The following DENND5A variants were observed in gnomAD, a reference collection of about 807,000 sequenced individuals.
DENND5A encodes DENN domain-containing protein 5A.
DENND5A carries 64 observed loss-of-function variants against 140.3 expected under a neutral mutation model. The observed-to-expected ratio is 0.46, with a 90% CI of 0.37 to 0.56. DENND5A has a LOEUF of 0.56. Ranked by LOEUF, DENND5A falls within the 20% of genes least tolerant of loss-of-function variation. The probability of loss-of-function intolerance (pLI) is 0.00; values close to 1 mark genes in which losing one functional copy is unlikely to be tolerated. For synonymous variants in DENND5A, 605 were observed against 607.7 expected (o/e 1.00, Z 0.07); for missense variants, 1,292 against 1,593.8 (o/e 0.81, Z 3.22).
At chr11:9,259,433 G>T (rs1034238593) in intron 1 of DENND5A, among the ~76,000 whole-genome samples, 56 of 151,974 alleles carry the variant, frequency 3.7e-4, no homozygotes, top group African/African-American at 1.3e-3. Context: ...GGGCGTGGTG[G>T]TGGGCGCCTG....
chr11:9,176,141 A>G (rs1848539071), intron 8 of DENND5A, among the ~76,000 whole-genome samples: 1 of 152,236 alleles, frequency 6.6e-6, no homozygotes, highest in Non-Finnish European at 1.5e-5. Flanking sequence ...TGTCCATGCA[A>G]TTAGACTACT....
chr11:9,146,328 T>C (rs1294425030), intron 16 of DENND5A, among the ~76,000 whole-genome samples: 4 of 152,158 alleles, frequency 2.6e-5, no homozygotes, highest in Non-Finnish European at 4.4e-5. Flanking sequence ...AGATGCAGCA[T>C]CAGACAGAAA....
At chr11:9,141,908 G>T in intron 22 of DENND5A, 32 bp downstream of exon 22, 1 of 1,544,072 alleles carries the variant, frequency 6.5e-7, no homozygotes, top group Non-Finnish European at 8.7e-7. Context: ...AAGGCTAACC[G>T]CTGTGCACTC....
intron 1 of DENND5A, among the ~76,000 whole-genome samples, chr11:9,246,814 C>T (rs1470060482): frequency 1.3e-5 from 2 of 152,152 alleles, no homozygotes; most frequent in Non-Finnish European, 2.9e-5. Flanking sequence ...CTACCTACAA[C>T]CCATAAACCC....
chr11:9,193,982 T>C (rs921644133), intron 4 of DENND5A, among the ~76,000 whole-genome samples: 11 of 152,156 alleles, frequency 7.2e-5, no homozygotes, highest in Non-Finnish European at 2.9e-5. Flanking sequence ...TACCACAGAA[T>C]GTTAAGTAGA....
chr11:9,181,645 G>T (rs1439080564), intron 5 of DENND5A, among the ~76,000 whole-genome samples: 6 of 152,136 alleles, frequency 3.9e-5, no homozygotes, highest in African/African-American at 1.4e-4. Flanking sequence ...GGCTGAGGTA[G>T]GAGGGATCAC....
rs148317700 is a variant in DENND5A at position 9,150,744 on chromosome 11, G to A, written c.2542C>T (p.Arg848Cys). 122 of 1,612,830 alleles carry A rather than the reference G, an allele frequency of 7.6e-5. 1 individual carries two copies. In the Admixed American group the frequency reaches 1.1e-3, roughly 15 times the overall value. Reference protein sequence around the residue: ...STSGILLDSERRKSDASSLMP... With the variant: ...STSGILLDSECRKSDASSLMP... ...AGTGAGCTGGCATCAGACTTCCTAC[G>A]TTCTGAATCAAGAAGTATTCCTAGA... Residue 848 changes from arginine to cysteine, a missense_variant, in exon 14 of 23, where the codon CGT becomes TGT. Transcript: ENST00000328194.
chr11:9,238,088 T>C (rs983641735), intron 1 of DENND5A, among the ~76,000 whole-genome samples: 10 of 152,358 alleles, frequency 6.6e-5, no homozygotes, highest in South Asian at 4.1e-4. Context: ...ATATACAACA[T>C]GTTAATTTGA....
chr11:9,145,108 C>T lies in DENND5A; in HGVS notation c.3009G>A (p.Gln1003=), dbSNP rs1174123638. 6.2e-7 allele frequency: 1 copy of T among 1,609,596 alleles called. No homozygotes were observed. Among genetic ancestry groups the T allele is most frequent in the Non-Finnish European group, 8.5e-7 (1 of 1,175,904 alleles). Residue 1003 remains glutamine (Q), a synonymous_variant, in exon 18 of 23, where the codon CAG becomes CAA. Transcript: ENST00000328194. The part of the protein sequence containing the change: ...RNVLEMTFEC[Q]NLGKLTTVQI... ...GGACAGTAGTAAGCTTCCCCAAGTT[C>T]TGGCACTATTAGAGAATAGAGAAGA... is the stretch of plus-strand genomic sequence containing the variant.
chr11:9,208,903 G>C (rs1427859605), intron 1 of DENND5A, among the ~76,000 whole-genome samples: 1 of 152,222 alleles, frequency 6.6e-6, no homozygotes, highest in Non-Finnish European at 1.5e-5. Context: ...GCTAGGCTCA[G>C]AGCTTTCTGT....
intron 1 of DENND5A, among the ~76,000 whole-genome samples, chr11:9,230,527 C>G (rs2136250151): frequency 6.6e-6 from 1 of 152,196 alleles, no homozygotes; most frequent in South Asian, 2.1e-4. Flanking sequence ...AAGTGTGAGC[C>G]ACACCCAGCC....
chr11:9,264,679 A>G lies in DENND5A; in HGVS notation c.109+282T>C, dbSNP rs547509967. Among the ~76,000 whole-genome samples the G allele has an allele frequency of 3.3e-5, 5 of 152,030 alleles. No homozygotes were observed. In the South Asian group the frequency reaches 1.0e-3, roughly 32 times the overall value. ...GCTTTCCTTTATTTTAAACGAAGTC[A>G]CTCAACCTACACCAAACTGAGAACA... On this transcript the variant is annotated intron_variant, in intron 1 of 22. Transcript: ENST00000328194.
chr11:9,159,609 C>T (rs769634029), intron 12 of DENND5A, among the ~76,000 whole-genome samples: 7 of 152,168 alleles, frequency 4.6e-5, no homozygotes, highest in African/African-American at 7.2e-5. Flanking sequence ...TGAGCCACTG[C>T]GCCTGGCCTG....
At chr11:9,141,234 T>G (rs1162531578) in intron 22 of DENND5A, among the ~76,000 whole-genome samples, 2 of 152,226 alleles carry the variant, frequency 1.3e-5, no homozygotes, top group African/African-American at 2.4e-5. Flanking sequence ...AAGGAATAAC[T>G]AGATATACTC....
At chr11:9,193,393 G>T in intron 5 of DENND5A, 101 bp downstream of exon 5, 3 of 932,624 alleles carry the variant, frequency 3.2e-6, no homozygotes, top group Non-Finnish European at 4.5e-6. Context: ...CAAAATAGAA[G>T]AAAATAAACT....
intron 1 of DENND5A, among the ~76,000 whole-genome samples, chr11:9,252,477 T>A (rs1851771627): frequency 6.6e-6 from 1 of 151,550 alleles, no homozygotes; most frequent in Admixed American, 6.6e-5. Flanking sequence ...GACGAAAGCG[T>A]CTTTACCAAA....
chr11:9,227,432 G>A (rs149181860), intron 1 of DENND5A, among the ~76,000 whole-genome samples: 2 of 152,154 alleles, frequency 1.3e-5, no homozygotes, highest in African/African-American at 2.4e-5. Context: ...CTCCTGGAAC[G>A]CATGAGCACA....
chr11:9,240,749 C>T (rs1008375450), intron 1 of DENND5A, among the ~76,000 whole-genome samples: 3 of 151,906 alleles, frequency 2.0e-5, no homozygotes, highest in Non-Finnish European at 4.4e-5. Flanking sequence ...TCCTTTCCTG[C>T]CTTGTTTCAG....
chr11:9,249,962 C>G lies in DENND5A; in HGVS notation c.109+14999G>C, dbSNP rs1851649268. 2.0e-5 allele frequency among the ~76,000 whole-genome samples: 3 copies of G among 151,448 alleles called. No individual in the cohort carries two copies. The South Asian group carries it at 6.2e-4, about 31-fold the overall frequency. Reference sequence around the variant, plus strand: ...TCAGCTTCCCAAAGTGGTGAGATTACAGGATCGAGCCATCGCACCTGGCCC... The same window carrying G: ...TCAGCTTCCCAAAGTGGTGAGATTAGAGGATCGAGCCATCGCACCTGGCCC... On this transcript the variant is annotated intron_variant, in intron 1 of 22. Coordinates refer to ENST00000328194, the MANE Select transcript of DENND5A (RefSeq NM_015213.4).
Sources: allele counts gnomAD v4.1 joint callset (sites outside exome capture counted in the v4.1 genomes callset), GRCh38; gene constraint gnomAD v4.1.1; transcripts MANE v1.5; gene names NCBI Gene and HGNC (gene_info 2026-07-23, HGNC 2026-07-21).